Variants in ABHD12 observed in about 807,000 individuals in gnomAD.
The protein encoded by ABHD12 is lysophosphatidylserine lipase ABHD12.
A neutral mutation model predicts 58.3 loss-of-function variants in ABHD12; 43 were observed. That is an observed-to-expected ratio of 0.74 (90% confidence interval 0.58 to 0.95). The LOEUF (loss-of-function observed/expected upper bound fraction) is 0.95. Among genes scored for constraint, ABHD12 ranks in the 40% least tolerant of loss-of-function variants. ABHD12 has a pLI of 0.00. For synonymous variants in ABHD12, 219 were observed against 211.2 expected (o/e 1.04, Z -0.32); for missense variants, 539 against 537.2 (o/e 1.00, Z -0.03).
intron 2 of ABHD12, among the ~76,000 whole-genome samples, chr20:25,331,873 G>C (rs995437720): frequency 1.3e-5 from 2 of 151,930 alleles, no homozygotes; most frequent in African/African-American, 4.8e-5. Context: ...AAAGACCATC[G>C]AGACTAGGAA....
intron 6 of ABHD12, 61 bp downstream of exon 6, chr20:25,314,864 A>G (rs1001619781): frequency 2.5e-6 from 4 of 1,589,118 alleles, no homozygotes; most frequent in African/African-American, 1.3e-5. Context: ...AGGCCTGCCC[A>G]TGGGATACCG....
intron 1 of ABHD12, among the ~76,000 whole-genome samples, chr20:25,365,809 G>C (rs1341865991): frequency 6.6e-6 from 1 of 152,172 alleles, no homozygotes; most frequent in Non-Finnish European, 1.5e-5. Context: ...AGCAATTTGA[G>C]AGGCTGAGGT....
intron 4 of ABHD12, among the ~76,000 whole-genome samples, chr20:25,319,405 G>A (rs1374252191): frequency 2.0e-5 from 3 of 152,200 alleles, no homozygotes; most frequent in African/African-American, 4.8e-5. Flanking sequence ...GCAACAGCCC[G>A]TTAGGGTGAG....
At chr20:25,339,571 A>C in intron 1 of ABHD12, 1 of 1,472,858 alleles carries the variant, frequency 6.8e-7, no homozygotes. Context: ...GGGTAAGAGG[A>C]ACTTTTTTTC....
At chr20:25,300,940 TC>T in intron 12 of ABHD12, 56 bp from the exon 13 acceptor site, 1 of 1,561,486 alleles carries the variant, frequency 6.4e-7, no homozygotes, top group African/African-American at 1.4e-5. Context: ...AAGATCCTTC[TC>T]CACAGTCCTC....
chr20:25,321,921 A>G (rs1464173569), intron 3 of ABHD12, among the ~76,000 whole-genome samples: 2 of 152,254 alleles, frequency 1.3e-5, no homozygotes, highest in Non-Finnish European at 2.9e-5. Context: ...TTCTTTACCA[A>G]GGACCACTGT....
At chr20:25,304,151 G>A (rs564354371) in intron 10 of ABHD12, among the ~76,000 whole-genome samples, 14 of 152,364 alleles carry the variant, frequency 9.2e-5, no homozygotes, top group African/African-American at 2.2e-4. Context: ...TCTCCTGTGC[G>A]GCCCTCACTG....
chr20:25,298,001 G>C (rs201435073), downstream of ABHD12: 1 of 150,072 alleles, frequency 6.7e-6, no homozygotes, highest in Non-Finnish European at 1.5e-5. Flanking sequence ...CTTTGTGGCT[G>C]TGGTTGGCTG....
intron 1 of ABHD12, chr20:25,368,502 G>A (rs2146102393): frequency 6.5e-7 from 1 of 1,534,122 alleles, no homozygotes; most frequent in Non-Finnish European, 9.0e-7. Context: ...GTATGCTTTA[G>A]GATGAAGTTT....
intron 4 of ABHD12, among the ~76,000 whole-genome samples, chr20:25,318,143 C>G (rs897200191): frequency 6.6e-6 from 1 of 152,116 alleles, no homozygotes; most frequent in Non-Finnish European, 1.5e-5. Context: ...TGGTGAAACC[C>G]GTCTCTACTA....
At chr20:25,295,497 A>G, downstream of ABHD12, 4 of 1,324,548 alleles carry the variant, frequency 3.0e-6, no homozygotes, top group South Asian at 2.4e-5. Context: ...CGCTCCAGAC[A>G]GGACCAGGTG....
chr20:25,385,962 G>T (rs537795133), intron 1 of ABHD12, among the ~76,000 whole-genome samples: 1 of 151,868 alleles, frequency 6.6e-6, no homozygotes, highest in Admixed American at 6.6e-5. Context: ...TTAGCCAGGT[G>T]TGTTGGTGGG....
downstream of ABHD12, chr20:25,296,286 C>T: frequency 6.5e-7 from 1 of 1,527,696 alleles, no homozygotes; most frequent in Non-Finnish European, 9.0e-7. Context: ...CATTTGGAAA[C>T]AGTCCTAAAG....
Position 25,300,834 on chromosome 20 carries a change from C to T in ABHD12, c.*11G>A, listed in dbSNP as rs1301505543. 1 of 1,614,112 alleles carries T rather than the reference C, an allele frequency of 6.2e-7. No homozygotes were observed. The highest frequency in any genetic ancestry group is 2.2e-5 in the East Asian group (1 of 44,882). ...GGCAGAGGTCTTCATGCTTCCTTCCCACGGCCAGGCTCAGTGCTGGTGCTC... is the reference window on the plus strand; with the variant it reads ...GGCAGAGGTCTTCATGCTTCCTTCCTACGGCCAGGCTCAGTGCTGGTGCTC... On this transcript the variant is annotated 3_prime_UTR_variant, in exon 13 of 13. Coordinates refer to ENST00000339157, the MANE Select transcript of ABHD12 (RefSeq NM_001042472.3).
downstream of ABHD12, chr20:25,297,667 G>A (rs967991026): frequency 6.6e-6 from 1 of 152,278 alleles, no homozygotes; most frequent in Non-Finnish European, 1.5e-5. Flanking sequence ...AGAGGGCAGG[G>A]AACAGGCTAC....
At chr20:25,311,532 A>G (rs2088849311) in intron 6 of ABHD12, among the ~76,000 whole-genome samples, 1 of 152,230 alleles carries the variant, frequency 6.6e-6, no homozygotes, top group African/African-American at 2.4e-5. Flanking sequence ...TAGCAGCAAG[A>G]GAGAATTAAC....
rs140555706 is a variant in ABHD12, at chr20:25,344,206, C to A, written c.192-4855G>T. ...TTTCCTGCTAAGATTAGGAACAAAGCAAGATTACACAATAAGATAAGAAAA... is the reference window on the plus strand; with the variant it reads ...TTTCCTGCTAAGATTAGGAACAAAGAAAGATTACACAATAAGATAAGAAAA... On this transcript the variant is annotated intron_variant, in intron 1 of 12. Coordinates refer to ENST00000339157, the MANE Select transcript of ABHD12 (RefSeq NM_001042472.3). Among the ~76,000 whole-genome samples, 433 of 152,062 alleles carry A rather than the reference C, an allele frequency of 2.8e-3. 3 individuals carry two copies. Among genetic ancestry groups the A allele is most frequent in the African/African-American group, 9.6e-3 (399 of 41,476 alleles).
intron 1 of ABHD12, among the ~76,000 whole-genome samples, chr20:25,361,792 A>C (rs2089751826): frequency 1.3e-5 from 2 of 151,840 alleles, no homozygotes; most frequent in South Asian, 4.2e-4. Flanking sequence ...CGTCTCTACT[A>C]AAAATACAAA....
intron 5 of ABHD12, among the ~76,000 whole-genome samples, chr20:25,316,738 G>A (rs1297444009): frequency 1.3e-5 from 2 of 152,212 alleles, no homozygotes; most frequent in South Asian, 4.1e-4. Context: ...AGACCAGCCT[G>A]AGCAACATAG....
Sources: allele counts gnomAD v4.1 joint callset (sites outside exome capture counted in the v4.1 genomes callset), GRCh38; gene constraint gnomAD v4.1.1; transcripts MANE v1.5; gene names NCBI Gene and HGNC (gene_info 2026-07-23, HGNC 2026-07-21).